Variants in SLC8A1 observed in about 807,000 individuals in gnomAD.
SLC8A1 encodes the protein sodium/calcium exchanger 1.
Under a neutral mutation model 68.3 loss-of-function variants are expected in SLC8A1, and 18 were observed. The ratio of observed to expected loss-of-function variants is 0.26; its 90% CI spans 0.18 to 0.39. The LOEUF (loss-of-function observed/expected upper bound fraction) is 0.39, where lower values mean the gene tolerates loss of function less well. Ranked by LOEUF, SLC8A1 falls within the 10% of genes least tolerant of loss-of-function variation. The pLI, the probability that SLC8A1 is intolerant of heterozygous loss-of-function variation, is 1.00. For synonymous variants in SLC8A1, 475 were observed against 415.5 expected (o/e 1.14, Z -1.74); for missense variants, 985 against 1,156.7 (o/e 0.85, Z 2.15).
intron 2 of SLC8A1, among the ~76,000 whole-genome samples, chr2:40,336,581 C>A (rs1259913339): frequency 1.3e-5 from 2 of 152,084 alleles, no homozygotes; most frequent in African/African-American, 2.4e-5. Flanking sequence ...TCTAAACTGA[C>A]CTTTTCCCCT....
chr2:40,193,466 T>C (rs2052291600), intron 2 of SLC8A1, among the ~76,000 whole-genome samples: 1 of 152,000 alleles, frequency 6.6e-6, no homozygotes, highest in Non-Finnish European at 1.5e-5. Flanking sequence ...GGCTCTGTGC[T>C]GTGTGAGCAC....
intron 2 of SLC8A1, among the ~76,000 whole-genome samples, chr2:40,396,235 G>A (rs1447906078): frequency 1.3e-5 from 2 of 152,138 alleles, no homozygotes; most frequent in Non-Finnish European, 2.9e-5. Context: ...TACTAAGCAT[G>A]ACCATTCTTC....
chr2:40,435,277 A>G (rs2149805631), intron 1 of SLC8A1, among the ~76,000 whole-genome samples: 1 of 152,286 alleles, frequency 6.6e-6, no homozygotes, highest in African/African-American at 2.4e-5. Context: ...CTACCAAGGC[A>G]AGCACTTCCA....
chr2:40,471,288 G>A (rs945496507), intron 1 of SLC8A1, among the ~76,000 whole-genome samples: 5 of 152,068 alleles, frequency 3.3e-5, no homozygotes, highest in African/African-American at 4.8e-5. Context: ...TGCAGTGTCC[G>A]TTCTTTACCT....
chr2:40,176,225 A>T (rs999051373), intron 3 of SLC8A1, among the ~76,000 whole-genome samples: 4 of 152,004 alleles, frequency 2.6e-5, no homozygotes, highest in South Asian at 4.1e-4. Context: ...GATACTTTCT[A>T]AAAAAAGTCA....
chr2:40,502,880 T>C (rs1020529293), intron 1 of SLC8A1, among the ~76,000 whole-genome samples: 9 of 151,970 alleles, frequency 5.9e-5, no homozygotes, highest in African/African-American at 1.9e-4. Context: ...TATACAGGAT[T>C]CTCATCATCG....
At chr2:40,265,598 A>C (rs2065264726) in intron 2 of SLC8A1, among the ~76,000 whole-genome samples, 1 of 152,172 alleles carries the variant, frequency 6.6e-6, no homozygotes, top group African/African-American at 2.4e-5. Context: ...ATTACATAGG[A>C]TGGAGGGAGG....
intron 2 of SLC8A1, among the ~76,000 whole-genome samples, chr2:40,382,991 T>A (rs1006794015): frequency 6.6e-6 from 1 of 152,116 alleles, no homozygotes; most frequent in Non-Finnish European, 1.5e-5. Context: ...ACAACCTGTC[T>A]TATGGCATTT....
chr2:40,480,087 T>A (rs115226642), intron 1 of SLC8A1, among the ~76,000 whole-genome samples: 1,800 of 152,222 alleles, frequency 0.012, 46 homozygotes, highest in African/African-American at 0.038. Context: ...TGTTTTTTTT[T>A]AAAAATTAGA....
exon 8 of SLC8A1, chr2:40,115,255 A>G: frequency 6.2e-7 from 1 of 1,604,798 alleles, no homozygotes. Flanking sequence ...TAGTTCCTTT[A>G]GAAGCCTTTT....
At chr2:40,239,581 A>G (rs1240809424) in intron 2 of SLC8A1, among the ~76,000 whole-genome samples, 1 of 152,164 alleles carries the variant, frequency 6.6e-6, no homozygotes, top group Non-Finnish European at 1.5e-5. Flanking sequence ...CCTCCCATGC[A>G]CAGTCACTGT....
chr2:40,355,365 T>G (rs1412035069), intron 2 of SLC8A1, among the ~76,000 whole-genome samples: 1 of 152,256 alleles, frequency 6.6e-6, no homozygotes. Flanking sequence ...AAGGTCACTT[T>G]CCATTTTTAC....
At chr2:40,237,087 A>C (rs917294083) in intron 2 of SLC8A1, among the ~76,000 whole-genome samples, 5 of 150,994 alleles carry the variant, frequency 3.3e-5, no homozygotes, top group African/African-American at 1.2e-4. Context: ...TGTGTCTTGG[A>C]GTTGCTCTTC....
intron 2 of SLC8A1, among the ~76,000 whole-genome samples, chr2:40,315,304 T>C (rs2074285990): frequency 6.6e-6 from 1 of 151,930 alleles, no homozygotes; most frequent in Non-Finnish European, 1.5e-5. Flanking sequence ...TACAGTAATA[T>C]GGTTAACATT....
chr2:40,288,637 T>C (rs577078332), intron 2 of SLC8A1, among the ~76,000 whole-genome samples: 3 of 152,140 alleles, frequency 2.0e-5, no homozygotes, highest in South Asian at 2.1e-4. Context: ...AGTGACTTCA[T>C]GTTGGTGGCT....
At chr2:40,406,900 C>T (rs1451830248) in intron 2 of SLC8A1, among the ~76,000 whole-genome samples, 5 of 152,186 alleles carry the variant, frequency 3.3e-5, no homozygotes, top group Non-Finnish European at 7.3e-5. Flanking sequence ...ATATACATAG[C>T]ACAGTAACAA....
chr2:40,385,310 G>A (rs1055883638), intron 2 of SLC8A1, among the ~76,000 whole-genome samples: 1 of 146,394 alleles, frequency 6.8e-6, no homozygotes, highest in Non-Finnish European at 1.5e-5. Context: ...GTAACTCTGG[G>A]CTTTTCTCCT....
chr2:40,479,684 G>T (rs543232093), intron 1 of SLC8A1, among the ~76,000 whole-genome samples: 1 of 152,244 alleles, frequency 6.6e-6, no homozygotes, highest in Admixed American at 6.5e-5. Flanking sequence ...AACTGGGGAA[G>T]GTAAGTACCA....
chr2:40,405,496 G>C (rs1690059646), intron 2 of SLC8A1, among the ~76,000 whole-genome samples: 1 of 152,162 alleles, frequency 6.6e-6, no homozygotes, highest in African/African-American at 2.4e-5. Context: ...CGCTTTTCCA[G>C]CACATCCGAC....
Sources: allele counts gnomAD v4.1 joint callset (sites outside exome capture counted in the v4.1 genomes callset), GRCh38; gene constraint gnomAD v4.1.1; transcripts MANE v1.5; gene names NCBI Gene and HGNC (gene_info 2026-07-23, HGNC 2026-07-21).